Variants in TOP1MT observed in about 807,000 individuals in gnomAD.
The protein encoded by TOP1MT is DNA topoisomerase I mitochondrial.
A neutral mutation model predicts 73.9 loss-of-function variants in TOP1MT; 80 were observed. That is an observed-to-expected ratio of 1.08 (90% CI 0.90 to 1.30). TOP1MT has a LOEUF of 1.30. Among genes scored for constraint, TOP1MT ranks in the 50% most tolerant of loss-of-function variants. The pLI, the probability that TOP1MT is intolerant of heterozygous loss-of-function variation, is 0.00. For missense variants in TOP1MT, 815 were observed against 808.0 expected (o/e 1.01, Z -0.10); for synonymous variants, 338 against 326.4 (o/e 1.04, Z -0.38).
upstream of TOP1MT, among the ~76,000 whole-genome samples, chr8:143,336,933 T>C (rs978426444): frequency 2.1e-4 from 32 of 152,210 alleles, no homozygotes; most frequent in African/African-American, 6.8e-4. Context: ...TTCTAACCAG[T>C]AGCCATACGC....
intron 7 of TOP1MT, among the ~76,000 whole-genome samples, chr8:143,323,589 CCACACACACACGCACGCCACA>C (rs1354016198): frequency 4.1e-5 from 2 of 49,242 alleles, no homozygotes; most frequent in African/African-American, 1.0e-4. Context: ...CACAGGCACG[CCACACACACACGCACGCCACA>C]CACACAGGCA....
chr8:143,328,584 G>A (rs1472663698), intron 3 of TOP1MT, among the ~76,000 whole-genome samples: 3 of 152,240 alleles, frequency 2.0e-5, no homozygotes, highest in African/African-American at 7.2e-5. Context: ...GGACACACGT[G>A]ACCCAGCAAT....
At position 143,317,707 on chromosome 8, in the gene TOP1MT, T is replaced by C; in HGVS notation, c.1330+16A>G. The C allele has an allele frequency of 6.2e-7, 1 of 1,608,576 alleles. No homozygotes were observed. Among genetic ancestry groups the C allele is most frequent in the Non-Finnish European group, 8.5e-7 (1 of 1,176,220 alleles). Reference sequence around the variant, plus strand: ...GTGCTCCCCCCGCGCTGAGTGTGGGTGTGGGGCAGGCTCACCGCGCGTCAG... The same window carrying C: ...GTGCTCCCCCCGCGCTGAGTGTGGGCGTGGGGCAGGCTCACCGCGCGTCAG... On this transcript the variant is annotated intron_variant, in intron 10 of 13. Coordinates refer to ENST00000329245, the MANE Select transcript of TOP1MT (RefSeq NM_052963.3).
chr8:143,336,908 A>G (rs1238380644), upstream of TOP1MT, among the ~76,000 whole-genome samples: 1 of 152,250 alleles, frequency 6.6e-6, no homozygotes, highest in Non-Finnish European at 1.5e-5. Flanking sequence ...ATCAATATGC[A>G]AACATCAGTT....
chr8:143,358,323 C>T (rs1289025772), upstream of TOP1MT, among the ~76,000 whole-genome samples: 1 of 152,120 alleles, frequency 6.6e-6, no homozygotes, highest in Non-Finnish European at 1.5e-5. Flanking sequence ...ATGTTTTTGA[C>T]AGGAAGAAAC....
chr8:143,338,025 G>A (rs1817012198), upstream of TOP1MT, among the ~76,000 whole-genome samples: 1 of 152,160 alleles, frequency 6.6e-6, no homozygotes, highest in African/African-American at 2.4e-5. Context: ...AAAGGGACAG[G>A]AATCTGGACC....
chr8:143,309,747 C>T lies in TOP1MT; in HGVS notation c.1704-204G>A, dbSNP rs1200679778. ...TCAGCGAGGTGTCAAAGACAACCTG[C>T]TGTGGCCTAGGTGTCCACCGAGCAG... On this transcript the variant is annotated intron_variant, in intron 13 of 13. Coordinates refer to ENST00000329245, the MANE Select transcript of TOP1MT (RefSeq NM_052963.3). 2.6e-6 allele frequency: 4 copies of T among 1,533,476 alleles called. No individual in the cohort carries two copies. The Admixed American group carries it at 5.9e-5, about 23-fold the overall frequency. 95.0% of individuals were successfully genotyped at this position (1,533,476 alleles called of 1,614,324 possible).
Position 143,321,323 on chromosome 8 carries a change from A to G in TOP1MT, c.1024T>C (p.Ser342Pro), listed in dbSNP as rs774603909. 4 of 1,607,960 alleles carry G rather than the reference A, an allele frequency of 2.5e-6. No individual in the cohort carries two copies. In the South Asian group the frequency reaches 3.3e-5, roughly 13 times the overall value. The change falls in exon 8 of 14, where the codon TCC becomes CCC. Residue 342 changes from serine (S) to proline (P), a missense_variant. Around this residue, in one of 3 missense-constraint regions of TOP1MT, gnomAD observed 751 missense variants for 725.4 expected, o/e 1.04. Transcript: ENST00000329245. ...GEAADTVGCC[S>P]LRVEHVQLHP... ...AGCTGGACGTGCTCCACGCGGAGGGAACAGCAGCCCACGGTGTCGGCCGCC... is the reference window on the plus strand; with the variant it reads ...AGCTGGACGTGCTCCACGCGGAGGGGACAGCAGCCCACGGTGTCGGCCGCC...
At chr8:143,323,909 G>T in intron 7 of TOP1MT, 90 bp downstream of exon 7, 1 of 1,466,998 alleles carries the variant, frequency 6.8e-7, no homozygotes, top group East Asian at 2.3e-5. Context: ...CCACACACAG[G>T]CCCACGTCGC....
chr8:143,339,842 C>CA, upstream of TOP1MT, among the ~76,000 whole-genome samples: 1 of 138,908 alleles, frequency 7.2e-6, no homozygotes, highest in East Asian at 2.2e-4. Context: ...GCATTCCCCC[C>CA]GTCCCAGCAC....
chr8:143,322,397 CAT>C (rs1222718266), intron 7 of TOP1MT, among the ~76,000 whole-genome samples: 21 of 112,300 alleles, frequency 1.9e-4, no homozygotes, highest in Non-Finnish European at 2.7e-4. Flanking sequence ...ACGCCACACA[CAT>C]GCTCACCACA....
At chr8:143,321,836 AC>A (rs1816405452) in intron 7 of TOP1MT, among the ~76,000 whole-genome samples, 1 of 76,208 alleles carries the variant, frequency 1.3e-5, no homozygotes. Flanking sequence ...CTACACACAC[AC>A]GCCACACGCA....
upstream of TOP1MT, chr8:143,359,254 A>T: frequency 1.0e-6 from 1 of 985,194 alleles, no homozygotes. Context: ...AAAAAAAAAC[A>T]GCTGCAAACC....
chr8:143,331,253 A>T lies in TOP1MT; in HGVS notation c.209T>A (p.Leu70His). The T allele has an allele frequency of 6.2e-7, 1 of 1,610,924 alleles. No individual in the cohort carries two copies. The change falls in exon 2 of 14, where the codon CTT becomes CAT. Residue 70 changes from leucine to histidine, a missense_variant. Around this residue, in one of 3 missense-constraint regions of TOP1MT, gnomAD observed 751 missense variants for 725.4 expected, o/e 1.04. Transcript: ENST00000329245. ...ATAGAAGAAACGCACTCCGTCGGGA[A>T]GGGGCTCGTATGGGGGTGCGAAGTA... Reference protein sequence around the residue: ...GPYFAPPYEPLPDGVRFFYEG... With the variant: ...GPYFAPPYEPHPDGVRFFYEG...
chr8:143,319,220 C>G (rs1390575531), intron 8 of TOP1MT, among the ~76,000 whole-genome samples: 2 of 152,240 alleles, frequency 1.3e-5, no homozygotes, highest in Non-Finnish European at 2.9e-5. Flanking sequence ...CCCTCAACAC[C>G]TGTCCCCAAA....
At chr8:143,337,232 G>C (rs1816997933), upstream of TOP1MT, among the ~76,000 whole-genome samples, 1 of 152,082 alleles carries the variant, frequency 6.6e-6, no homozygotes, top group South Asian at 2.1e-4. Flanking sequence ...GACCATCCTG[G>C]CTAAAACGTC....
chr8:143,312,707 C>T (rs1170848736), intron 12 of TOP1MT, among the ~76,000 whole-genome samples: 2 of 152,154 alleles, frequency 1.3e-5, no homozygotes, highest in Non-Finnish European at 2.9e-5. Flanking sequence ...CTGCCAGGTC[C>T]ATAATGCAAA....
At chr8:143,359,403 C>T (rs1233165532), upstream of TOP1MT, 1 of 985,428 alleles carries the variant, frequency 1.0e-6, no homozygotes, top group Non-Finnish European at 1.2e-6. Context: ...AAAGCCGTCA[C>T]TCTGGGGCAG....
intron 5 of TOP1MT, 65 bp downstream of exon 5, chr8:143,325,281 G>A: frequency 2.8e-6 from 4 of 1,453,634 alleles, no homozygotes; most frequent in Non-Finnish European, 3.7e-6. Flanking sequence ...AGGAGGTGAA[G>A]AAAAGCCAGC....
Sources: gnomAD v4.1 joint callset for allele counts (sites outside exome capture counted in the v4.1 genomes callset) on GRCh38, gnomAD v4.1.1 for gene constraint, gnomAD v4.1.1 regional missense constraint, MANE v1.5 for transcripts, NCBI Gene and HGNC (gene_info 2026-07-23, HGNC 2026-07-21) for gene names.